CNTNAP2: variants seen among roughly 807,000 people sequenced by gnomAD.
CNTNAP2 encodes the protein contactin associated protein 2, also known as contactin-associated protein-like 2.
A neutral mutation model predicts 155.2 loss-of-function variants in CNTNAP2; 98 were observed. The observed-to-expected ratio is 0.63, with a 90% CI of 0.54 to 0.75. CNTNAP2 has a LOEUF of 0.75. CNTNAP2 is among the 30% of genes least tolerant of loss of function. CNTNAP2 has a pLI of 0.00. For missense variants in CNTNAP2, 1,727 were observed against 1,688.1 expected (o/e 1.02, Z -0.40); for synonymous variants, 651 against 631.2 (o/e 1.03, Z -0.47).
At chr7:146,767,486 C>A (rs991060938) in intron 1 of CNTNAP2, among the ~76,000 whole-genome samples, 4 of 152,054 alleles carry the variant, frequency 2.6e-5, no homozygotes, top group African/African-American at 9.7e-5. Context: ...GCAATGACTT[C>A]TATGGATTAT....
chr7:148,062,605 C>CTTTATGACTTAAAATTTTATGACATAAAA, intron 15 of CNTNAP2, among the ~76,000 whole-genome samples: 1 of 152,146 alleles, frequency 6.6e-6, no homozygotes, highest in Admixed American at 6.5e-5. Flanking sequence ...ATGTTTAAAA[C>CTTTATGACTTAAAATTTTATGACATAAAA]ATTTATGACT....
chr7:146,905,820 C>G (rs1408683448), intron 3 of CNTNAP2, among the ~76,000 whole-genome samples: 1 of 152,182 alleles, frequency 6.6e-6, no homozygotes, highest in Non-Finnish European at 1.5e-5. Context: ...AGGAACAGCT[C>G]CGGGTCTACA....
chr7:147,302,969 T>G (rs550144257), intron 9 of CNTNAP2, among the ~76,000 whole-genome samples: 2 of 152,352 alleles, frequency 1.3e-5, no homozygotes, highest in African/African-American at 4.8e-5. Flanking sequence ...TTGAATCAAA[T>G]GTTCTCCCGA....
intron 12 of CNTNAP2, among the ~76,000 whole-genome samples, chr7:147,600,348 G>A (rs911506560): frequency 1.3e-5 from 2 of 152,154 alleles, no homozygotes; most frequent in African/African-American, 4.8e-5. Flanking sequence ...AATAATATTA[G>A]TAACATTAGG....
At chr7:148,066,782 G>A (rs910644003) in intron 15 of CNTNAP2, among the ~76,000 whole-genome samples, 1 of 152,144 alleles carries the variant, frequency 6.6e-6, no homozygotes, top group Non-Finnish European at 1.5e-5. Flanking sequence ...ACAGGCGTGA[G>A]CCACCGCGCC....
At chr7:147,049,260 A>C (rs1351645714) in intron 4 of CNTNAP2, among the ~76,000 whole-genome samples, 1 of 152,200 alleles carries the variant, frequency 6.6e-6, no homozygotes, top group Admixed American at 6.5e-5. Context: ...ATTCTTTTTC[A>C]TTTATTATTT....
intron 1 of CNTNAP2, among the ~76,000 whole-genome samples, chr7:146,470,466 G>A (rs988863375): frequency 1.3e-5 from 2 of 152,076 alleles, no homozygotes; most frequent in Non-Finnish European, 2.9e-5. Flanking sequence ...TTCTCTGCCT[G>A]GTGGAGACTT....
intron 15 of CNTNAP2, among the ~76,000 whole-genome samples, chr7:148,066,165 T>C (rs1227691419): frequency 6.6e-6 from 1 of 152,242 alleles, no homozygotes; most frequent in Non-Finnish European, 1.5e-5. Flanking sequence ...GTTAATCTGA[T>C]AGGTTTTCCT....
At chr7:147,603,219 C>T (rs10265542) in intron 12 of CNTNAP2, among the ~76,000 whole-genome samples, 1,709 of 152,036 alleles carry the variant, frequency 0.011, 43 homozygotes, top group African/African-American at 0.039. Flanking sequence ...TTTTGATTTG[C>T]ATTTCTCTGA....
intron 1 of CNTNAP2, among the ~76,000 whole-genome samples, chr7:146,432,077 T>C (rs1796180835): frequency 6.6e-6 from 1 of 152,036 alleles, no homozygotes; most frequent in Non-Finnish European, 1.5e-5. Context: ...TTATAAAAAG[T>C]AATGACAGTA....
chr7:146,755,578 A>G (rs1195249073), intron 1 of CNTNAP2, among the ~76,000 whole-genome samples: 1 of 152,026 alleles, frequency 6.6e-6, no homozygotes, highest in Non-Finnish European at 1.5e-5. Context: ...CTACCCAATA[A>G]GTGGAACTTA....
intron 8 of CNTNAP2, among the ~76,000 whole-genome samples, chr7:147,142,826 GC>G (rs1801627182): frequency 6.6e-6 from 1 of 152,092 alleles, no homozygotes; most frequent in African/African-American, 2.4e-5. Flanking sequence ...CTCCACTGGA[GC>G]ATTTGGCCTC....
rs149562723 is a variant in CNTNAP2 at position 146,483,693 on chromosome 7, A to G, written c.98-290578A>G. Among the ~76,000 whole-genome samples the G allele has an allele frequency of 3.4e-4, 52 of 152,082 alleles. 1 individual carries two copies. The highest frequency in any genetic ancestry group is 2.9e-3 in the Admixed American group (44 of 15,286). ...TTTTTTACAAAAACAGTTAAAAGTT[A>G]AAAAAGAAAAATAGAAAAAAATTAT... is the stretch of plus-strand genomic sequence containing the variant. On this transcript the variant is annotated intron_variant, in intron 1 of 23. Transcript: ENST00000361727.
At chr7:146,708,122 C>T (rs1800998257) in intron 1 of CNTNAP2, among the ~76,000 whole-genome samples, 1 of 152,068 alleles carries the variant, frequency 6.6e-6, no homozygotes, top group Non-Finnish European at 1.5e-5. Flanking sequence ...GAAATAAATA[C>T]AATGAACACT....
intron 9 of CNTNAP2, among the ~76,000 whole-genome samples, chr7:147,338,907 T>C (rs1795709224): frequency 6.6e-6 from 1 of 152,146 alleles, no homozygotes; most frequent in Non-Finnish European, 1.5e-5. Context: ...ATATTTATCA[T>C]GCTTCTGTAT....
intron 8 of CNTNAP2, among the ~76,000 whole-genome samples, chr7:147,204,365 C>G (rs993638899): frequency 2.0e-5 from 3 of 151,968 alleles, no homozygotes; most frequent in African/African-American, 7.2e-5. Context: ...ATGTGTTTCA[C>G]AATGAAGGGG....
chr7:147,298,669 C>A (rs937352522), intron 8 of CNTNAP2, among the ~76,000 whole-genome samples: 3 of 152,160 alleles, frequency 2.0e-5, no homozygotes, highest in African/African-American at 2.4e-5. Flanking sequence ...AGTAAATAGC[C>A]TAGGCTTTAT....
At chr7:146,931,641 T>C (rs1796760230) in intron 3 of CNTNAP2, among the ~76,000 whole-genome samples, 1 of 150,488 alleles carries the variant, frequency 6.6e-6, no homozygotes, top group East Asian at 1.9e-4. Context: ...AATTAATGAA[T>C]CCAGGAACTG....
At chr7:148,070,414 T>G (rs1803357864) in intron 15 of CNTNAP2, among the ~76,000 whole-genome samples, 2 of 152,244 alleles carry the variant, frequency 1.3e-5, no homozygotes, top group Admixed American at 1.3e-4. Flanking sequence ...AAATGTTTTT[T>G]ATTTCTTAAA....
Sources: gnomAD v4.1 joint callset for allele counts (sites outside exome capture counted in the v4.1 genomes callset) on GRCh38, gnomAD v4.1.1 for gene constraint, MANE v1.5 for transcripts, NCBI Gene and HGNC (gene_info 2026-07-23, HGNC 2026-07-21) for gene names.